The following APC variants were observed in gnomAD, a reference collection of about 807,000 sequenced individuals.
APC encodes the protein adenomatous polyposis coli protein.
APC carries 72 observed loss-of-function variants against 247.0 expected under a neutral mutation model. That is an observed-to-expected ratio of 0.29 (90% CI 0.24 to 0.35). The LOEUF (loss-of-function observed/expected upper bound fraction) is 0.35, where lower values mean the gene tolerates loss of function less well. APC is among the 10% of genes least tolerant of loss of function. The probability of loss-of-function intolerance (pLI) is 1.00; values close to 1 mark genes in which losing one functional copy is unlikely to be tolerated. For missense variants in APC, 3,400 were observed against 3,360.7 expected (o/e 1.01, Z -0.29); for synonymous variants, 1,254 against 1,162.5 (o/e 1.08, Z -1.60).
At chr5:112,719,599 A>G (rs949094671) in intron 1 of APC, among the ~76,000 whole-genome samples, 3 of 146,192 alleles carry the variant, frequency 2.1e-5, no homozygotes, top group African/African-American at 7.7e-5. Context: ...GAGTGGCGTG[A>G]TCTCCACTCA....
rs748940586 is a variant in APC, at chr5:112,842,612, A to C, written c.7018A>C (p.Asn2340His). ...TGGTAGAAATGGAATAAGTCCTCCTAACAAATTATCTCAACTTCCAAGGAC... is the reference window on the plus strand; with the variant it reads ...TGGTAGAAATGGAATAAGTCCTCCTCACAAATTATCTCAACTTCCAAGGAC... Reference protein sequence around the residue: ...SPGRNGISPPNKLSQLPRTSS... With the variant: ...SPGRNGISPPHKLSQLPRTSS... Residue 2340 changes from asparagine to histidine, a missense_variant, in exon 16 of 16, where the codon AAC becomes CAC. Asn to His is a moderately conservative substitution (Grantham distance 68). This residue lies in a region of APC where 1,788 missense variants were observed against 1,649.5 expected (regional missense o/e 1.08). Transcript: ENST00000257430. 53 of 1,613,722 alleles carry C rather than the reference A, an allele frequency of 3.3e-5. No homozygotes were observed. The highest frequency in any genetic ancestry group is 4.4e-5 in the Non-Finnish European group (52 of 1,179,802).
chr5:112,799,764 C>A lies in APC; in HGVS notation c.730-1515C>A, dbSNP rs1369429006. ...TATCATATTCTTTTTGTTCTACTTT[C>A]CTCCTTATTTTTGGTGCTTCATCCA... On this transcript the variant is annotated intron_variant, in intron 7 of 15. Coordinates refer to ENST00000257430, the MANE Select transcript of APC (RefSeq NM_000038.6). Among the ~76,000 whole-genome samples the A allele has an allele frequency of 4.6e-5, 7 of 151,948 alleles. No individual in the cohort carries two copies. In the East Asian group the frequency reaches 1.3e-3, roughly 29 times the overall value.
chr5:112,783,867 G>A (rs1376588382), intron 6 of APC: 1 of 295,954 alleles, frequency 3.4e-6, no homozygotes, highest in Non-Finnish European at 6.5e-6. Context: ...AGTTCCATCA[G>A]AAAATTAAGT....
chr5:112,832,190 C>T (rs1374167056), intron 14 of APC, among the ~76,000 whole-genome samples: 1 of 152,258 alleles, frequency 6.6e-6, no homozygotes, highest in East Asian at 1.9e-4. Flanking sequence ...AAACCTCTGG[C>T]CCTTGACATG....
intron 5 of APC, among the ~76,000 whole-genome samples, chr5:112,776,994 C>T (rs1477750881): frequency 6.6e-6 from 1 of 152,088 alleles, no homozygotes; most frequent in African/African-American, 2.4e-5. Context: ...TAACATTTTT[C>T]ATTTTAGAAA....
intron 4 of APC, among the ~76,000 whole-genome samples, chr5:112,775,130 A>T (rs1043283801): frequency 6.6e-6 from 1 of 152,138 alleles, no homozygotes; most frequent in Non-Finnish European, 1.5e-5. Context: ...TCTCCGTCAT[A>T]ACTTCCTCTT....
chr5:112,803,816 TTAGCC>T (rs986716805), intron 8 of APC, among the ~76,000 whole-genome samples: 1 of 152,218 alleles, frequency 6.6e-6, no homozygotes, highest in African/African-American at 2.4e-5. Flanking sequence ...GATCTAATTT[TTAGCC>T]TTCAATTGTT....
Position 112,826,987 on chromosome 5 carries a change from A to G in APC, c.1409-121A>G, listed in dbSNP as rs910788099. On this transcript the variant is annotated intron_variant, in intron 11 of 15. Coordinates refer to ENST00000257430, the MANE Select transcript of APC (RefSeq NM_000038.6). ...TTTGTAGCTTATAATTCTAAAGGCA[A>G]ATTTAAACCATATATTCTCATTGAT... 8 of 947,280 alleles carry G rather than the reference A, an allele frequency of 8.4e-6. No individual in the cohort carries two copies. In the African/African-American group the frequency reaches 1.2e-4, roughly 14 times the overall value. 58.7% of individuals were successfully genotyped at this position (947,280 alleles called of 1,614,324 possible).
chr5:112,843,975 G>A lies in APC; in HGVS notation c.8381G>A (p.Ser2794Asn), dbSNP rs1381074160. The change falls in exon 16 of 16, where the codon AGC becomes AAC. Residue 2794 changes from serine (S) to asparagine (N), a missense_variant. Coordinates refer to ENST00000257430, the MANE Select transcript of APC (RefSeq NM_000038.6). This position sits in a 1 kb window ranked among gnomAD's most constrained non-coding sequence, Gnocchi z 4.8. ...TACAACCCAAGCCCTAGGAAAAGCA[G>A]CGCAGATAGCACTTCAGCTCGGCCA... ...FNYNPSPRKSSADSTSARPSQ... is the reference protein window; with the variant it reads ...FNYNPSPRKSNADSTSARPSQ... 2 of 1,602,968 alleles carry A rather than the reference G, an allele frequency of 1.2e-6. No homozygotes were observed. The highest frequency in any genetic ancestry group is 1.1e-5 in the South Asian group (1 of 89,252).
rs568430463 is a variant in APC, at chr5:112,803,903, T to C, written c.834+2520T>C. On this transcript the variant is annotated intron_variant, in intron 8 of 15. Transcript: ENST00000257430. ...AACATGAATCTGATTATATCACTTA[T>C]TTGTTTAAACCTTTCAGTGGCTACT... Among the ~76,000 whole-genome samples the C allele has an allele frequency of 1.2e-4, 18 of 152,344 alleles. No individual in the cohort carries two copies. In the East Asian group the frequency reaches 3.1e-3, roughly 26 times the overall value.
At chr5:112,786,614 T>G (rs1315686955) in intron 6 of APC, among the ~76,000 whole-genome samples, 1 of 152,168 alleles carries the variant, frequency 6.6e-6, no homozygotes, top group East Asian at 1.9e-4. Context: ...ATGATACTGT[T>G]TAATGTAGTT....
At chr5:112,769,993 T>TC (rs1242871494) in intron 4 of APC, among the ~76,000 whole-genome samples, 1 of 136,800 alleles carries the variant, frequency 7.3e-6, no homozygotes, top group Non-Finnish European at 1.7e-5. Flanking sequence ...CTTTTTCCCC[T>TC]TTGAGCTCTA....
At position 112,843,460 on chromosome 5, in the gene APC, C is replaced by G. The variant is rs1580687418; in HGVS notation, c.7866C>G (p.Pro2622=). 1 of 1,613,760 alleles carries G rather than the reference C, an allele frequency of 6.2e-7. No individual in the cohort carries two copies. The change falls in exon 16 of 16, where the codon CCC becomes CCG. Residue 2622 remains proline (P), a synonymous_variant. Coordinates refer to ENST00000257430, the MANE Select transcript of APC (RefSeq NM_000038.6). The surrounding 1 kb of genome is among the most constrained non-coding windows in gnomAD (Gnocchi z 4.8). The stretch of plus-strand genomic sequence containing the variant: ...AAATAAAAGAAAATGAATTTTCTCC[C>G]ACAAATAGTACTTCTCAGACCGTTT... The part of the protein sequence containing the change: ...WRKIKENEFS[P]TNSTSQTVSS...
At chr5:112,755,908 G>A (rs1469568146) in intron 2 of APC, among the ~76,000 whole-genome samples, 5 of 149,954 alleles carry the variant, frequency 3.3e-5, no homozygotes, top group East Asian at 2.0e-4. Flanking sequence ...CAAGGAGCTC[G>A]AGACCTGCCT....
intron 1 of APC, among the ~76,000 whole-genome samples, chr5:112,721,658 T>C (rs1302036930): frequency 1.3e-5 from 2 of 151,936 alleles, no homozygotes; most frequent in African/African-American, 4.8e-5. Context: ...CTAGAGGCAA[T>C]AGAGGGTACA....
At chr5:112,725,160 A>T (rs934898823) in intron 1 of APC, among the ~76,000 whole-genome samples, 5 of 151,894 alleles carry the variant, frequency 3.3e-5, no homozygotes, top group African/African-American at 1.2e-4. Context: ...TTTAGTAGAG[A>T]CAGAGTTTCA....
chr5:112,792,131 A>G (rs1334896953), intron 6 of APC, among the ~76,000 whole-genome samples: 1 of 152,164 alleles, frequency 6.6e-6, no homozygotes, highest in East Asian at 1.9e-4. Flanking sequence ...CTGTAGTCCC[A>G]GCTACTCGGG....
chr5:112,792,719 G>A (rs1759769271), intron 7 of APC, among the ~76,000 whole-genome samples, 190 bp downstream of exon 7: 1 of 151,988 alleles, frequency 6.6e-6, no homozygotes, highest in Non-Finnish European at 1.5e-5. Flanking sequence ...TAACTTTTAG[G>A]CAGTTAAAAT....
At chr5:112,766,524 G>A (rs1481771276) in intron 3 of APC, 114 bp downstream of exon 3, 3 of 715,288 alleles carry the variant, frequency 4.2e-6, no homozygotes, top group South Asian at 3.2e-5. Context: ...AGTTTTCTTG[G>A]TATGTTAGCC....
Sources: gnomAD v4.1 joint callset for allele counts (sites outside exome capture counted in the v4.1 genomes callset) on GRCh38, gnomAD v4.1.1 for gene constraint, gnomAD v4.1.1 regional missense constraint, Gnocchi (gnomAD v3.1) non-coding constraint, MANE v1.5 for transcripts, NCBI Gene and HGNC (gene_info 2026-07-23, HGNC 2026-07-21) for gene names.